Variants in SNX29 observed in about 807,000 individuals in gnomAD.
The protein encoded by SNX29 is sorting nexin 29.
In SNX29, 78 loss-of-function variants were observed where a neutral mutation model predicts 102.1. That is an observed-to-expected ratio of 0.76 (90% CI 0.64 to 0.92). The LOEUF is 0.92. Among genes scored for constraint, SNX29 ranks in the 40% least tolerant of loss-of-function variants. SNX29 has a pLI of 0.00. For missense variants in SNX29, 1,280 were observed against 1,061.7 expected (o/e 1.21, Z -2.86); for synonymous variants, 580 against 414.5 (o/e 1.40, Z -4.85).
chr16:12,542,666 C>T (rs997267144), intron 20 of SNX29, among the ~76,000 whole-genome samples: 7 of 152,078 alleles, frequency 4.6e-5, no homozygotes, highest in East Asian at 1.9e-4. Flanking sequence ...TTGAAGGCAG[C>T]GTGTTGGGAA....
chr16:12,320,326 C>T lies in SNX29; in HGVS notation c.1783-35837C>T, dbSNP rs147283780. 3.8e-3 allele frequency among the ~76,000 whole-genome samples: 575 copies of T among 152,194 alleles called. 4 individuals carry two copies. Among genetic ancestry groups the T allele is most frequent in the African/African-American group, 0.013 (548 of 41,538 alleles). ...ATTGGAAGGGGCTTGGAAGGAACTG[C>T]AGGAGAGTCACCGAGAGCCAGAACC... On this transcript the variant is annotated intron_variant, in intron 15 of 20. Coordinates refer to ENST00000566228, the MANE Select transcript of SNX29 (RefSeq NM_032167.5).
chr16:12,107,621 G>A (rs925497687), intron 11 of SNX29, among the ~76,000 whole-genome samples: 2 of 152,126 alleles, frequency 1.3e-5, no homozygotes, highest in African/African-American at 4.8e-5. Context: ...GGGCAACAGA[G>A]TGAGACTCTG....
In SNX29 at chr16:12,052,061, C is replaced by T; in HGVS notation, c.963C>T (p.Ser321=). 1 of 1,613,936 alleles carries T rather than the reference C, an allele frequency of 6.2e-7. No individual in the cohort carries two copies. The highest frequency in any genetic ancestry group is 8.5e-7 in the Non-Finnish European group (1 of 1,179,870). ...CTAACTCCAATGGAAGTCAGAGCAG[C>T]AACTCATGGAAAATTGATTCCCTGT... ...FGPNSNGSQS[S]NSWKIDSLSL... The change falls in exon 8 of 21, where the codon AGC becomes AGT. Residue 321 remains serine, a synonymous_variant. Coordinates refer to ENST00000566228, the MANE Select transcript of SNX29 (RefSeq NM_032167.5).
chr16:12,117,712 T>G (rs2141316752), intron 11 of SNX29, among the ~76,000 whole-genome samples: 1 of 152,300 alleles, frequency 6.6e-6, no homozygotes, highest in East Asian at 1.9e-4. Context: ...TGCACAACAT[T>G]TTGAACGTAC....
At chr16:12,385,478 C>G (rs2083309899) in intron 16 of SNX29, among the ~76,000 whole-genome samples, 1 of 152,174 alleles carries the variant, frequency 6.6e-6, no homozygotes, top group South Asian at 2.1e-4. Flanking sequence ...AAGAGACCAC[C>G]AGGCCAAGGC....
At chr16:12,244,818 A>T (rs957736832) in intron 14 of SNX29, among the ~76,000 whole-genome samples, 5 of 152,204 alleles carry the variant, frequency 3.3e-5, no homozygotes, top group Non-Finnish European at 5.9e-5. Context: ...ATGCTCAAAC[A>T]CAGATGTGCG....
At chr16:12,431,941 C>T (rs1386875889) in intron 18 of SNX29, among the ~76,000 whole-genome samples, 1 of 152,240 alleles carries the variant, frequency 6.6e-6, no homozygotes, top group Admixed American at 6.5e-5. Context: ...ACCTTCTGTG[C>T]AGGCCTCTTC....
chr16:12,426,760 G>A (rs1405362458), intron 18 of SNX29, among the ~76,000 whole-genome samples: 1 of 152,168 alleles, frequency 6.6e-6, no homozygotes, highest in Admixed American at 6.5e-5. Flanking sequence ...CTGCCTCCCG[G>A]GTTCAAGCGA....
intron 16 of SNX29, 121 bp downstream of exon 16, chr16:12,356,400 A>G (rs2082138449): frequency 1.3e-6 from 1 of 765,610 alleles, no homozygotes. Context: ...GCCCACATTC[A>G]CCTCTGCCAC....
At chr16:12,273,861 C>A (rs2079164827) in intron 14 of SNX29, among the ~76,000 whole-genome samples, 1 of 152,210 alleles carries the variant, frequency 6.6e-6, no homozygotes, top group African/African-American at 2.4e-5. Flanking sequence ...GATCTGGCTT[C>A]TTTCCCCTGG....
intron 13 of SNX29, among the ~76,000 whole-genome samples, chr16:12,161,501 C>A (rs1417701012): frequency 6.6e-6 from 1 of 152,198 alleles, no homozygotes; most frequent in Non-Finnish European, 1.5e-5. Flanking sequence ...GCTCCAGTAG[C>A]CACTGTCTAC....
chr16:12,341,507 A>G (rs539244188), intron 15 of SNX29, among the ~76,000 whole-genome samples: 142 of 152,322 alleles, frequency 9.3e-4, no homozygotes, highest in African/African-American at 3.1e-3. Flanking sequence ...ATGATCCTCA[A>G]TCTCGGTCTT....
At chr16:12,132,092 A>G (rs73519803) in intron 13 of SNX29, among the ~76,000 whole-genome samples, 3,218 of 147,900 alleles carry the variant, frequency 0.022, 107 homozygotes, top group African/African-American at 0.075. Context: ...ACAGAATTAT[A>G]TGCCCTGTCT....
chr16:12,221,643 A>G (rs1408825111), intron 14 of SNX29, among the ~76,000 whole-genome samples: 1 of 152,166 alleles, frequency 6.6e-6, no homozygotes, highest in Non-Finnish European at 1.5e-5. Flanking sequence ...GGATGAACAG[A>G]TGGGCTATTC....
chr16:12,145,733 G>A (rs1236923163), intron 13 of SNX29, among the ~76,000 whole-genome samples: 1 of 152,180 alleles, frequency 6.6e-6, no homozygotes, highest in Non-Finnish European at 1.5e-5. Context: ...CAATAATACA[G>A]TAAACAACAG....
At chr16:12,028,018 G>A (rs2057240404) in intron 4 of SNX29, among the ~76,000 whole-genome samples, 1 of 152,192 alleles carries the variant, frequency 6.6e-6, no homozygotes, top group African/African-American at 2.4e-5. Context: ...TACAGATGAG[G>A]AAACTGTTCA....
intron 16 of SNX29, among the ~76,000 whole-genome samples, chr16:12,380,627 C>T (rs963409621): frequency 5.4e-5 from 7 of 128,656 alleles, no homozygotes; most frequent in Admixed American, 3.8e-4. Context: ...CATCCACCCA[C>T]CCACCATCCA....
At chr16:12,134,689 G>A (rs748119724) in intron 13 of SNX29, among the ~76,000 whole-genome samples, 7 of 152,192 alleles carry the variant, frequency 4.6e-5, no homozygotes, top group Admixed American at 6.5e-5. Flanking sequence ...CCTTGGTTCA[G>A]TGTTGAGGGA....
intron 19 of SNX29, among the ~76,000 whole-genome samples, chr16:12,479,984 C>T (rs563954844): frequency 6.6e-5 from 10 of 152,268 alleles, no homozygotes; most frequent in Non-Finnish European, 7.4e-5. Context: ...GGAACTGCAG[C>T]TTTAAGCAAA....
Sources: allele counts gnomAD v4.1 joint callset (sites outside exome capture counted in the v4.1 genomes callset), GRCh38; gene constraint gnomAD v4.1.1; transcripts MANE v1.5; gene names NCBI Gene and HGNC (gene_info 2026-07-23, HGNC 2026-07-21).